FGF12: variants seen among roughly 807,000 people sequenced by gnomAD.
FGF12 encodes fibroblast growth factor 12B.
In FGF12, 14 loss-of-function variants were observed where a neutral mutation model predicts 23.6. That is an observed-to-expected ratio of 0.59 (90% confidence interval 0.39 to 0.93). The LOEUF (loss-of-function observed/expected upper bound fraction) is 0.93, where lower values mean the gene tolerates loss of function less well. Ranked by LOEUF, FGF12 falls within the 40% of genes least tolerant of loss-of-function variation. The pLI, the probability that FGF12 is intolerant of heterozygous loss-of-function variation, is 0.00. For missense variants in FGF12, 175 were observed against 217.8 expected (o/e 0.80, Z 1.24); for synonymous variants, 62 against 77.3 (o/e 0.80, Z 1.04).
At chr3:192,339,192 G>A (rs1717567277) in intron 3 of FGF12, among the ~76,000 whole-genome samples, 1 of 152,122 alleles carries the variant, frequency 6.6e-6, no homozygotes, top group African/African-American at 2.4e-5. Context: ...TAGTTTCTCT[G>A]GAAAGGTCCT....
At chr3:192,333,536 G>A (rs1717233512) in intron 4 of FGF12, among the ~76,000 whole-genome samples, 1 of 152,028 alleles carries the variant, frequency 6.6e-6, no homozygotes, top group African/African-American at 2.4e-5. Flanking sequence ...GTATTTAATT[G>A]TTATTTTAAG....
intron 4 of FGF12, among the ~76,000 whole-genome samples, chr3:192,298,242 T>G (rs750545333): frequency 8.5e-5 from 13 of 152,208 alleles, no homozygotes; most frequent in Non-Finnish European, 1.6e-4. Flanking sequence ...AGCAAGAAGA[T>G]GAGAAAAATG....
rs2108571559 is a variant in FGF12 at position 192,140,881 on chromosome 3, AT to A, written c.*3127del. 1 of 152,044 alleles carries A rather than the reference AT, an allele frequency of 6.6e-6. No individual in the cohort carries two copies. The highest frequency in any genetic ancestry group is 1.9e-4 in the East Asian group (1 of 5,174). 9.4% of individuals were successfully genotyped at this position (152,044 alleles called of 1,614,324 possible). The stretch of plus-strand genomic sequence containing the variant: ...AGCACAAAAGTCTCTGAATTAGCAA[AT>A]GGAACTTCAGCTCCATTTGTTTCTA... On this transcript the variant is annotated 3_prime_UTR_variant, in exon 6 of 6. Transcript: ENST00000445105.
chr3:192,499,512 A>ATT (rs1724062445), intron 2 of FGF12, among the ~76,000 whole-genome samples: 2 of 44,078 alleles, frequency 4.5e-5, no homozygotes, highest in Non-Finnish European at 8.1e-5. Context: ...ATATATATAT[A>ATT]TATATTTTTT....
At chr3:192,682,638 T>C (rs1717574028) in intron 2 of FGF12, among the ~76,000 whole-genome samples, 1 of 152,228 alleles carries the variant, frequency 6.6e-6, no homozygotes. Context: ...GCTTCTGGGA[T>C]GGAGACTCGA....
intron 3 of FGF12, among the ~76,000 whole-genome samples, chr3:192,352,291 A>G (rs1202605921): frequency 2.0e-5 from 3 of 152,210 alleles, no homozygotes; most frequent in Non-Finnish European, 2.9e-5. Flanking sequence ...TGAGCACTTC[A>G]AATCCTGGGG....
At chr3:192,522,154 C>T (rs1724834148) in intron 2 of FGF12, among the ~76,000 whole-genome samples, 1 of 148,698 alleles carries the variant, frequency 6.7e-6, no homozygotes, top group Non-Finnish European at 1.5e-5. Context: ...GCCGAGATCG[C>T]GCCACTGCAC....
intron 2 of FGF12, 170 bp downstream of exon 2, chr3:192,727,011 A>C (rs1322231761): frequency 1.3e-6 from 1 of 759,236 alleles, no homozygotes; most frequent in East Asian, 2.7e-5. Flanking sequence ...GGAGTTAAAA[A>C]GAAGTCGCCT....
At chr3:192,407,947 CG>C (rs1177287868) in intron 2 of FGF12, 2 of 1,445,906 alleles carry the variant, frequency 1.4e-6, no homozygotes, top group Non-Finnish European at 9.3e-7. Context: ...TTCCCTTCCA[CG>C]GGGGTCCCGA....
At chr3:192,298,053 C>A (rs2108656655) in intron 4 of FGF12, among the ~76,000 whole-genome samples, 1 of 152,300 alleles carries the variant, frequency 6.6e-6, no homozygotes, top group Non-Finnish European at 1.5e-5. Context: ...CACAAGTTCA[C>A]TATTGTATAC....
intron 2 of FGF12, among the ~76,000 whole-genome samples, chr3:192,473,365 C>T (rs1489278868): frequency 6.6e-6 from 1 of 152,168 alleles, no homozygotes; most frequent in Admixed American, 6.5e-5. Context: ...TACTTGCCAT[C>T]CCTTATCATG....
intron 2 of FGF12, among the ~76,000 whole-genome samples, chr3:192,573,569 C>T (rs979698751): frequency 2.1e-4 from 32 of 152,088 alleles, no homozygotes; most frequent in African/African-American, 7.7e-4. Context: ...AGCCTTCGGA[C>T]TTAAACTGGG....
At chr3:192,144,253 AC>A (rs1244228276) in intron 5 of FGF12, 126 bp from the exon 6 acceptor site, 10 of 605,896 alleles carry the variant, frequency 1.7e-5, no homozygotes, top group Non-Finnish European at 2.3e-5. Flanking sequence ...TTATAAAAAA[AC>A]AGTTTTAACT....
At chr3:192,167,731 G>GTGTATATATATATATATATA (rs1461525196) in intron 5 of FGF12, among the ~76,000 whole-genome samples, 2 of 25,046 alleles carry the variant, frequency 8.0e-5, no homozygotes, top group African/African-American at 4.2e-4. Flanking sequence ...TAGGTTATAG[G>GTGTATATATATATATATATA]TATATATATA....
At chr3:192,576,187 T>C (rs1712874835) in intron 2 of FGF12, among the ~76,000 whole-genome samples, 1 of 152,178 alleles carries the variant, frequency 6.6e-6, no homozygotes, top group Admixed American at 6.5e-5. Context: ...AAATAATGAA[T>C]GTTGCCTTTG....
chr3:192,675,405 C>G (rs1263764964), intron 2 of FGF12, among the ~76,000 whole-genome samples: 1 of 151,602 alleles, frequency 6.6e-6, no homozygotes, highest in Non-Finnish European at 1.5e-5. Context: ...TCCTTACATT[C>G]ATTATTTTAT....
chr3:192,466,933 A>T (rs1406786823), intron 2 of FGF12, among the ~76,000 whole-genome samples: 1 of 152,350 alleles, frequency 6.6e-6, no homozygotes, highest in South Asian at 2.1e-4. Flanking sequence ...GAGAAAAAAA[A>T]GTAATATAAT....
chr3:192,287,987 T>C (rs1188752365), intron 4 of FGF12, among the ~76,000 whole-genome samples: 1 of 152,058 alleles, frequency 6.6e-6, no homozygotes, highest in Admixed American at 6.6e-5. Context: ...CAAGAAAATG[T>C]AGTTATTGTC....
At chr3:192,631,953 A>G (rs1322028739) in intron 2 of FGF12, among the ~76,000 whole-genome samples, 1 of 152,188 alleles carries the variant, frequency 6.6e-6, no homozygotes, top group Non-Finnish European at 1.5e-5. Flanking sequence ...TACTCCTTTT[A>G]CATATTAGTA....
Sources: allele counts gnomAD v4.1 joint callset (sites outside exome capture counted in the v4.1 genomes callset), GRCh38; gene constraint gnomAD v4.1.1; transcripts MANE v1.5; gene names NCBI Gene and HGNC (gene_info 2026-07-23, HGNC 2026-07-21).